The following SPC25 variants were observed in gnomAD, a reference collection of about 807,000 sequenced individuals.
The protein encoded by SPC25 is SPC25 component of NDC80 kinetochore complex, also known as kinetochore protein Spc25.
Under a neutral mutation model 29.6 loss-of-function variants are expected in SPC25, and 22 were observed. The observed-to-expected ratio is 0.74, with a 90% CI of 0.53 to 1.06. SPC25 has a LOEUF of 1.06. Among genes scored for constraint, SPC25 ranks in the 50% least tolerant of loss-of-function variants. SPC25 has a pLI of 0.00. For missense variants in SPC25, 230 were observed against 255.8 expected (o/e 0.90, Z 0.69); for synonymous variants, 91 against 90.4 (o/e 1.01, Z -0.04).
At chr2:168,864,645 T>A (rs1297153269) in intron 4 of SPC25, among the ~76,000 whole-genome samples, 1 of 152,202 alleles carries the variant, frequency 6.6e-6, no homozygotes, top group African/African-American at 2.4e-5. Flanking sequence ...CTTACTCTTT[T>A]TAGTATCCTC....
At chr2:168,873,766 ACTG>A (rs1377051894) in intron 5 of SPC25, 83 bp from the exon 6 acceptor site, 11 of 851,182 alleles carry the variant, frequency 1.3e-5, no homozygotes, top group Non-Finnish European at 2.2e-5. Flanking sequence ...CAATATCTGC[ACTG>A]CTAAGTATAT....
intron 1 of SPC25, 50 bp from the exon 2 acceptor site, chr2:168,889,583 C>A (rs991350092): frequency 1.3e-6 from 2 of 1,541,814 alleles, no homozygotes; most frequent in Non-Finnish European, 1.8e-6. Flanking sequence ...AATCAAATCA[C>A]CCACATATTC....
chr2:168,886,678 C>A (rs1475137994), intron 3 of SPC25, among the ~76,000 whole-genome samples: 1 of 152,028 alleles, frequency 6.6e-6, no homozygotes, highest in Non-Finnish European at 1.5e-5. Context: ...GGCCACCAGG[C>A]CCAGCTAATT....
intron 6 of SPC25, 79 bp downstream of exon 6, chr2:168,873,506 C>T: frequency 1.0e-6 from 1 of 979,972 alleles, no homozygotes; most frequent in South Asian, 1.4e-5. Flanking sequence ...TACTTTCCTC[C>T]ATATTACTTT....
chr2:168,864,296 T>C (rs1353247760), intron 4 of SPC25, among the ~76,000 whole-genome samples: 8 of 136,160 alleles, frequency 5.9e-5, no homozygotes, highest in Non-Finnish European at 1.3e-4. Flanking sequence ...TTTTTTTTTT[T>C]CTGAGACAGA....
At chr2:168,867,599 A>T (rs1360927101), downstream of SPC25, among the ~76,000 whole-genome samples, 1 of 152,288 alleles carries the variant, frequency 6.6e-6, no homozygotes, top group African/African-American at 2.4e-5. Context: ...GTCTCGAATA[A>T]AACAGACTTT....
At chr2:168,864,513 C>T (rs1689729265) in intron 4 of SPC25, among the ~76,000 whole-genome samples, 1 of 151,886 alleles carries the variant, frequency 6.6e-6, no homozygotes, top group African/African-American at 2.4e-5. Context: ...CTCGAAACTC[C>T]TGACCTTGTG....
At chr2:168,873,386 T>A (rs1201691298) in intron 6 of SPC25, among the ~76,000 whole-genome samples, 199 bp downstream of exon 6, 2 of 152,194 alleles carry the variant, frequency 1.3e-5, no homozygotes, top group Non-Finnish European at 2.9e-5. Context: ...AGATGCTACT[T>A]ATTAAGGATC....
chr2:168,880,900 T>TA (rs1358431084), intron 3 of SPC25, among the ~76,000 whole-genome samples: 2 of 152,156 alleles, frequency 1.3e-5, no homozygotes, highest in Admixed American at 6.5e-5. Flanking sequence ...TTAAAACAAT[T>TA]ACAATAGTAA....
chr2:168,875,155 A>G (rs1232693310), intron 5 of SPC25, among the ~76,000 whole-genome samples: 4 of 152,172 alleles, frequency 2.6e-5, no homozygotes, highest in Admixed American at 1.3e-4. Flanking sequence ...CTGGTTTACA[A>G]TAGTCCCCCT....
At chr2:168,863,389 T>C (rs1689604933) in intron 4 of SPC25, 4 of 983,968 alleles carry the variant, frequency 4.1e-6, no homozygotes, top group Non-Finnish European at 4.8e-6. Context: ...AGAAAGTTGC[T>C]GAGGAAAAGA....
At chr2:168,867,594 G>A (rs999687106), downstream of SPC25, among the ~76,000 whole-genome samples, 2 of 152,262 alleles carry the variant, frequency 1.3e-5, no homozygotes, top group African/African-American at 4.8e-5. Context: ...TCCTAGTCTC[G>A]AATAAAACAG....
In SPC25 at chr2:168,877,226, G is replaced by A. The variant is rs1426341693; in HGVS notation, c.346+12C>T. On this transcript the variant is annotated intron_variant, in intron 4 of 6. Transcript: ENST00000282074. ...CCATTTTAGATCAGTATGTTTATAAGAGGAAACTTACTTTCCTTCTTCCTA... is the reference window on the plus strand; with the variant it reads ...CCATTTTAGATCAGTATGTTTATAAAAGGAAACTTACTTTCCTTCTTCCTA... 5.6e-6 allele frequency: 9 copies of A among 1,611,442 alleles called. No individual in the cohort carries two copies. The highest frequency in any genetic ancestry group is 7.6e-6 in the Non-Finnish European group (9 of 1,178,932).
downstream of SPC25, chr2:168,870,871 G>T (rs1244750341): frequency 6.6e-6 from 1 of 151,376 alleles, no homozygotes; most frequent in Non-Finnish European, 1.5e-5. Context: ...ATACCCAAGG[G>T]ATTATAAATC....
At chr2:168,869,445 T>G (rs1437464688), downstream of SPC25, among the ~76,000 whole-genome samples, 1 of 152,222 alleles carries the variant, frequency 6.6e-6, no homozygotes, top group Non-Finnish European at 1.5e-5. Context: ...CATGATTGTA[T>G]ATCTAGAAAA....
intron 5 of SPC25, among the ~76,000 whole-genome samples, chr2:168,874,165 C>T (rs1308029931): frequency 2.0e-5 from 3 of 151,934 alleles, no homozygotes; most frequent in Non-Finnish European, 2.9e-5. Context: ...AAATGCAAGC[C>T]GAAACTACAA....
intron 4 of SPC25, chr2:168,862,003 G>A (rs2105797257): frequency 6.2e-7 from 1 of 1,614,188 alleles, no homozygotes; most frequent in South Asian, 1.1e-5. Context: ...GCAAGGCCTT[G>A]TATTCTTTTC....
intron 5 of SPC25, among the ~76,000 whole-genome samples, chr2:168,875,041 A>G (rs1483409831): frequency 6.6e-6 from 1 of 152,198 alleles, no homozygotes; most frequent in African/African-American, 2.4e-5. Context: ...TGTGATATAC[A>G]TGCAACAGGC....
At position 168,877,375 on chromosome 2, in the gene SPC25, C is replaced by T. The variant is rs1160544916; in HGVS notation, c.209G>A (p.Arg70Lys). ...TTTTTCTTGAATGAGCTTATTTTGC[C>T]TGCTGATCTCTGTAAGAAGCACAAG... is the stretch of plus-strand genomic sequence containing the variant. ...MFLEYQNQIS[R>K]QNKLIQEKKD... The change falls in exon 4 of 7, where the codon AGG (arginine) becomes AAG (lysine). Residue 70 changes from arginine (R) to lysine (K), a missense_variant. Physicochemically the swap from Arg to Lys is conservative, Grantham distance 26 (BLOSUM62 2). Transcript: ENST00000282074. The T allele has an allele frequency of 1.1e-5, 17 of 1,613,304 alleles. No individual in the cohort carries two copies. Among genetic ancestry groups the T allele is most frequent in the Non-Finnish European group, 1.4e-5 (17 of 1,179,776 alleles).
Sources: gnomAD v4.1 joint callset for allele counts (sites outside exome capture counted in the v4.1 genomes callset) on GRCh38, gnomAD v4.1.1 for gene constraint, MANE v1.5 for transcripts, NCBI Gene and HGNC (gene_info 2026-07-23, HGNC 2026-07-21) for gene names.